SAAL1: variants seen among roughly 807,000 people sequenced by gnomAD.
The protein encoded by SAAL1 is serum amyloid A like 1, also known as protein SAAL1.
Under a neutral mutation model 59.8 loss-of-function variants are expected in SAAL1, and 42 were observed. The ratio of observed to expected loss-of-function variants is 0.70; its 90% confidence interval spans 0.55 to 0.91. The LOEUF (loss-of-function observed/expected upper bound fraction) is 0.91. SAAL1 is among the 40% of genes least tolerant of loss of function. The pLI, the probability that SAAL1 is intolerant of heterozygous loss-of-function variation, is 0.00. For missense variants in SAAL1, 542 were observed against 561.1 expected (o/e 0.97, Z 0.34); for synonymous variants, 191 against 194.3 (o/e 0.98, Z 0.14).
intron 2 of SAAL1, among the ~76,000 whole-genome samples, chr11:18,101,895 AG>A (rs1848638232): frequency 6.6e-6 from 1 of 152,120 alleles, no homozygotes; most frequent in Non-Finnish European, 1.5e-5. Flanking sequence ...TAAAAGAGCC[AG>A]ACCAAAAAAA....
rs73430098 is a variant in SAAL1, at chr11:18,104,550, A to G, written c.136-1204T>C. ...TGAATTGTGGACAAAGAGTTCTGGT[A>G]GCAAAAACGATGGACCAATGACCTA... On this transcript the variant is annotated intron_variant, in intron 1 of 11. Transcript: ENST00000524803. 8.5e-3 allele frequency among the ~76,000 whole-genome samples: 1,295 copies of G among 152,154 alleles called. 16 individuals carry two copies. The highest frequency in any genetic ancestry group is 0.03 in the African/African-American group (1,247 of 41,506).
chr11:18,103,183 C>T (rs560793570), intron 2 of SAAL1, 50 bp downstream of exon 2: 2 of 1,241,122 alleles, frequency 1.6e-6, no homozygotes, highest in East Asian at 2.3e-5. Context: ...AACATTCATT[C>T]ACCATCTCCT....
In SAAL1 at chr11:18,096,691, G is replaced by C. The variant is rs908314151; in HGVS notation, c.333+80C>G. ...ATTTATGGTCAGTAAGAAAATCAAA[G>C]TGAGAAAAATAAAAGACTATCCAGC... is the stretch of plus-strand genomic sequence containing the variant. On this transcript the variant is annotated intron_variant, in intron 3 of 11. Coordinates refer to ENST00000524803, the MANE Select transcript of SAAL1 (RefSeq NM_138421.3). The C allele has an allele frequency of 8.9e-6, 7 of 784,464 alleles. No homozygotes were observed. In the African/African-American group the frequency reaches 1.0e-4, roughly 12 times the overall value. 48.6% of individuals were successfully genotyped at this position (784,464 alleles called of 1,614,324 possible). A position where few individuals can be genotyped will look rare whatever the true frequency, so the allele number is the denominator to read the frequency against.
chr11:18,103,542 T>G (rs1251832737), intron 1 of SAAL1, among the ~76,000 whole-genome samples, 196 bp from the exon 2 acceptor site: 2 of 152,210 alleles, frequency 1.3e-5, no homozygotes, highest in Non-Finnish European at 2.9e-5. Flanking sequence ...CCAGGTACTT[T>G]AGTTTCCTCC....
At chr11:18,092,167 T>C in intron 4 of SAAL1, 78 bp downstream of exon 4, 1 of 733,184 alleles carries the variant, frequency 1.4e-6, no homozygotes, top group Non-Finnish European at 2.3e-6. Flanking sequence ...TCAGATTTGC[T>C]ACTTTTCCTA....
At chr11:18,090,145 AT>A (rs11424886) in intron 6 of SAAL1, 29 bp downstream of exon 6, 6 of 1,517,454 alleles carry the variant, frequency 4.0e-6, no homozygotes, top group South Asian at 2.5e-5. Flanking sequence ...AATTTAAAAC[AT>A]TTTTTTTCTA....
chr11:18,106,024 C>T lies in SAAL1; in HGVS notation c.18G>A (p.Ser6=). Residue 6 remains serine (S), a synonymous_variant, in exon 1 of 12, where the codon TCG becomes TCA. Transcript: ENST00000524803. MDRNP[S]PPPPGRDKEE... is the part of the protein sequence containing the mutation. ...CCTTGTCGCGACCCGGCGGCGGCGG[C>T]GAGGGGTTGCGGTCCATGACTTTGT... 1 of 1,607,308 alleles carries T rather than the reference C, an allele frequency of 6.2e-7. No individual in the cohort carries two copies. Among genetic ancestry groups the T allele is most frequent in the Non-Finnish European group, 8.5e-7 (1 of 1,179,150 alleles).
At chr11:18,083,065 T>G (rs368977647) in intron 10 of SAAL1, 1 of 152,320 alleles carries the variant, frequency 6.6e-6, no homozygotes, top group African/African-American at 2.4e-5. Flanking sequence ...AATATATGGA[T>G]AGAAAAAACA....
intron 3 of SAAL1, among the ~76,000 whole-genome samples, chr11:18,092,645 C>T (rs1270132885): frequency 6.6e-6 from 1 of 152,136 alleles, no homozygotes; most frequent in Non-Finnish European, 1.5e-5. Context: ...GGGAAAGTAT[C>T]AGCAAAGGCA....
intron 2 of SAAL1, among the ~76,000 whole-genome samples, chr11:18,100,684 T>C (rs1848625070): frequency 6.6e-6 from 1 of 152,226 alleles, no homozygotes; most frequent in African/African-American, 2.4e-5. Flanking sequence ...TTGATGTCTA[T>C]CTTTAAAAAG....
In SAAL1 at chr11:18,083,729, C is replaced by T. The variant is rs1439414738; in HGVS notation, c.1045G>A (p.Asp349Asn). The T allele has an allele frequency of 2.4e-5, 39 of 1,600,348 alleles. No homozygotes were observed. The highest frequency in any genetic ancestry group is 3.3e-5 in the Non-Finnish European group (39 of 1,173,142). ...ATGAGGCTGTCAATTAGAGGAAGAT[C>T]TACTGTATAAACAAATCAAGAAGCA... The part of the protein sequence containing the change: ...EQEYLKIEKV[D>N]LPLIDSLIRV... Residue 349 changes from aspartate (D) to asparagine (N), a missense_variant and splice_region_variant, in exon 10 of 12, where the codon GAT becomes AAT. Physicochemically the swap from Asp to Asn is conservative, Grantham distance 23. Transcript: ENST00000524803.
At chr11:18,090,679 A>C (rs1212539840) in intron 4 of SAAL1, 186 bp from the exon 5 acceptor site, 14 of 578,928 alleles carry the variant, frequency 2.4e-5, no homozygotes, top group Non-Finnish European at 3.7e-5. Flanking sequence ...GAAACAGAAC[A>C]GAGCTGCATC....
Position 18,106,067 on chromosome 11 carries a change from G to A in SAAL1, c.-26C>T, listed in dbSNP as rs767760584. The A allele has an allele frequency of 2.0e-5, 32 of 1,584,312 alleles. No individual in the cohort carries two copies. The South Asian group carries it at 2.3e-4, about 11-fold the overall frequency. The stretch of plus-strand genomic sequence containing the variant: ...GACTTTGTCGCGTCCCGCGCTTGAA[G>A]GCCGTGCCGGAAGCTGCGGAGGAGA... On this transcript the variant is annotated 5_prime_UTR_variant, in exon 1 of 12. Transcript: ENST00000524803.
At chr11:18,092,391 T>C in intron 3 of SAAL1, 67 bp from the exon 4 acceptor site, 1 of 1,081,630 alleles carries the variant, frequency 9.2e-7, no homozygotes, top group Non-Finnish European at 1.4e-6. Flanking sequence ...AATATCAACT[T>C]GAACAAAAAC....
chr11:18,105,715 C>A (rs1439715078), intron 1 of SAAL1, among the ~76,000 whole-genome samples, 192 bp downstream of exon 1: 1 of 152,158 alleles, frequency 6.6e-6, no homozygotes, highest in Non-Finnish European at 1.5e-5. Context: ...TGTCGAGAGA[C>A]CCCGAGGGGG....
intron 2 of SAAL1, among the ~76,000 whole-genome samples, chr11:18,098,655 C>T (rs897411533): frequency 6.6e-6 from 1 of 152,210 alleles, no homozygotes; most frequent in African/African-American, 2.4e-5. Flanking sequence ...AGACAACTGA[C>T]TGAGAGAGAC....
chr11:18,103,249 T>C lies in SAAL1; in HGVS notation c.233A>G (p.Asp78Gly). The C allele has an allele frequency of 1.2e-6, 2 of 1,610,536 alleles. No individual in the cohort carries two copies. Among genetic ancestry groups the C allele is most frequent in the Non-Finnish European group, 1.7e-6 (2 of 1,176,796 alleles). ...GCCTCATACCTCATCCATTGACATATCCCATACTCTGCAAATTTCATTCTC... is the reference window on the plus strand; with the variant it reads ...GCCTCATACCTCATCCATTGACATACCCCATACTCTGCAAATTTCATTCTC... Reference protein sequence around the residue: ...EMENEICRVWDMSMDEDVALF... With the variant: ...EMENEICRVWGMSMDEDVALF... The change falls in exon 2 of 12, where the codon GAT (aspartate) becomes GGT (glycine). Residue 78 changes from aspartate (D) to glycine (G), a missense_variant. Physicochemically the swap from Asp to Gly is moderately conservative, Grantham distance 94. Coordinates refer to ENST00000524803, the MANE Select transcript of SAAL1 (RefSeq NM_138421.3).
intron 2 of SAAL1, among the ~76,000 whole-genome samples, chr11:18,102,299 C>G (rs12365751): frequency 0.42 from 62,793 of 151,260 alleles, 13,658 homozygotes; most frequent in African/African-American, 0.52. Context: ...CTACTCTGGA[C>G]GCTATGGCAG....
At chr11:18,091,125 G>A (rs1353081690) in intron 4 of SAAL1, among the ~76,000 whole-genome samples, 1 of 152,156 alleles carries the variant, frequency 6.6e-6, no homozygotes, top group Non-Finnish European at 1.5e-5. Context: ...GCTATTTCAA[G>A]CAATCCTCCT....
Sources: allele counts gnomAD v4.1 joint callset (sites outside exome capture counted in the v4.1 genomes callset), GRCh38; gene constraint gnomAD v4.1.1; transcripts MANE v1.5; gene names NCBI Gene and HGNC (gene_info 2026-07-23, HGNC 2026-07-21).